Variants in PCP4L1 observed in about 807,000 individuals in gnomAD.
The protein encoded by PCP4L1 is Purkinje cell protein 4-like protein 1.
In PCP4L1, 9 loss-of-function variants were observed where a neutral mutation model predicts 9.6. The observed-to-expected ratio is 0.94, with a 90% confidence interval of 0.57 to 1.64. The LOEUF is 1.64. Ranked by LOEUF, PCP4L1 falls within the 40% of genes most tolerant of loss-of-function variation. PCP4L1 has a pLI of 0.00. For missense variants in PCP4L1, 81 were observed against 80.8 expected (o/e 1.00, Z -0.01); for synonymous variants, 31 against 28.2 (o/e 1.10, Z -0.31).
At chr1:161,263,899 C>CTTTTTT (rs1160429112) in intron 1 of PCP4L1, among the ~76,000 whole-genome samples, 5 of 70,792 alleles carry the variant, frequency 7.1e-5, no homozygotes, top group Admixed American at 1.7e-4. Flanking sequence ...ACTTTCTTTC[C>CTTTTTT]TTTTTTTTTT....
In PCP4L1 at chr1:161,284,672, C is replaced by T. The variant is rs1318355294; in HGVS notation, c.*191C>T. On this transcript the variant is annotated 3_prime_UTR_variant, in exon 3 of 3. Transcript: ENST00000504449. ...ACAAGAGAGGTGGAGAAGATGAAGACTTCAATCAGCAGTCACTAGTCTAAG... is the reference window on the plus strand; with the variant it reads ...ACAAGAGAGGTGGAGAAGATGAAGATTTCAATCAGCAGTCACTAGTCTAAG... The T allele has an allele frequency of 1.4e-6, 1 of 718,582 alleles. No homozygotes were observed. Among genetic ancestry groups the T allele is most frequent in the Non-Finnish European group, 2.3e-6 (1 of 436,232 alleles). The allele number at this position is 718,582 out of a possible 1,614,324, so 44.5% of individuals were successfully genotyped here.
rs16832738 is a variant in PCP4L1, at chr1:161,262,114, A to G, written c.9+3131A>G. ...TGGTTATATTGGATATACAAAATAG[A>G]AAGTCTAGTCACTTACTGCTATTGA... On this transcript the variant is annotated intron_variant, in intron 1 of 2. Transcript: ENST00000504449. Among the ~76,000 whole-genome samples the G allele has an allele frequency of 0.021, 3,244 of 152,278 alleles. 196 individuals are homozygous for G. In the East Asian group the frequency reaches 0.23, roughly 11 times the overall value.
At chr1:161,276,148 G>A (rs535404768) in intron 1 of PCP4L1, among the ~76,000 whole-genome samples, 78 of 152,230 alleles carry the variant, frequency 5.1e-4, no homozygotes, top group African/African-American at 1.9e-3. Flanking sequence ...TATTCCTGTG[G>A]AAGGTGTCAC....
intron 1 of PCP4L1, among the ~76,000 whole-genome samples, chr1:161,262,162 C>T (rs996035995): frequency 3.3e-5 from 5 of 151,990 alleles, no homozygotes; most frequent in African/African-American, 9.7e-5. Context: ...CGGCCAGGCG[C>T]GGTGGCTCAC....
Position 161,258,932 on chromosome 1 carries a change from A to G in PCP4L1, c.-43A>G, listed in dbSNP as rs1447895414. ...CGGAGCCCCGAGGGCCACTCGCCTC[A>G]CCTGTGCGTGCAGCGCCTCGCGCGC... On this transcript the variant is annotated 5_prime_UTR_variant, in exon 1 of 3. Transcript: ENST00000504449. 8 of 1,534,978 alleles carry G rather than the reference A, an allele frequency of 5.2e-6. No homozygotes were observed. Among genetic ancestry groups the G allele is most frequent in the Non-Finnish European group, 6.1e-6 (7 of 1,146,266 alleles).
chr1:161,276,928 T>C (rs1669710240), intron 1 of PCP4L1, among the ~76,000 whole-genome samples: 1 of 152,164 alleles, frequency 6.6e-6, no homozygotes, highest in Non-Finnish European at 1.5e-5. Flanking sequence ...TTCCCCCTAA[T>C]GTTTTATTGG....
At chr1:161,275,442 G>T (rs1407280937) in intron 1 of PCP4L1, among the ~76,000 whole-genome samples, 1 of 149,886 alleles carries the variant, frequency 6.7e-6, no homozygotes, top group Non-Finnish European at 1.5e-5. Context: ...CATGAACCCA[G>T]GAGGCAGAGC....
intron 1 of PCP4L1, among the ~76,000 whole-genome samples, chr1:161,269,940 A>G (rs1348328867): frequency 6.6e-6 from 1 of 152,054 alleles, no homozygotes; most frequent in African/African-American, 2.4e-5. Flanking sequence ...CCAAGGCTGC[A>G]GTGAGCTGAG....
intron 1 of PCP4L1, among the ~76,000 whole-genome samples, chr1:161,270,366 G>T (rs1360524935): frequency 6.6e-6 from 1 of 151,978 alleles, no homozygotes; most frequent in African/African-American, 2.4e-5. Flanking sequence ...AACCACTTGG[G>T]TTGTTACAAT....
chr1:161,282,467 G>A (rs927012252), intron 1 of PCP4L1, among the ~76,000 whole-genome samples: 1 of 151,774 alleles, frequency 6.6e-6, no homozygotes, highest in African/African-American at 2.4e-5. Flanking sequence ...CTAATCACTG[G>A]GATACCTCAG....
chr1:161,280,179 T>TG (rs1553257817), intron 1 of PCP4L1, among the ~76,000 whole-genome samples: 1 of 152,216 alleles, frequency 6.6e-6, no homozygotes, highest in Non-Finnish European at 1.5e-5. Flanking sequence ...TCTTGGATGA[T>TG]GACCTTGTTA....
intron 1 of PCP4L1, among the ~76,000 whole-genome samples, chr1:161,280,503 C>T (rs1669775289): frequency 6.6e-6 from 1 of 152,198 alleles, no homozygotes; most frequent in Admixed American, 6.5e-5. Flanking sequence ...GTTATGCCCC[C>T]ATTCCCATTT....
rs564365924 is a variant in PCP4L1 at position 161,281,630 on chromosome 1, C to A, written c.10-2038C>A. 2.4e-4 allele frequency among the ~76,000 whole-genome samples: 35 copies of A among 147,744 alleles called. 1 individual carries two copies. In the East Asian group the frequency reaches 6.7e-3, roughly 28 times the overall value. ...GGCTGACCCCCACCTCCCTCCCGGA[C>A]GGGGTGGCTGCCGGGCAGAGATGCT... On this transcript the variant is annotated intron_variant, in intron 1 of 2. Coordinates refer to ENST00000504449, the MANE Select transcript of PCP4L1 (RefSeq NM_001102566.2).
intron 1 of PCP4L1, among the ~76,000 whole-genome samples, chr1:161,282,377 GAA>G (rs751600335): frequency 2.3e-5 from 3 of 132,714 alleles, no homozygotes; most frequent in East Asian, 4.4e-4. Context: ...GGAGAGCGTG[GAA>G]AGAGAGGGAG....
intron 1 of PCP4L1, among the ~76,000 whole-genome samples, chr1:161,282,020 G>A (rs181880659): frequency 0.046 from 6,976 of 152,284 alleles, 222 homozygotes; most frequent in Middle Eastern, 0.082. Context: ...CGGCACTTTG[G>A]GAGGCCAAGG....
chr1:161,281,374 G>A lies in PCP4L1; in HGVS notation c.10-2294G>A, dbSNP rs547486449. ...CTGTTGGGTACACCTCCCAGATGGGGTGGTGGCCGGGCAGAGGGGCTCCTC... is the reference window on the plus strand; with the variant it reads ...CTGTTGGGTACACCTCCCAGATGGGATGGTGGCCGGGCAGAGGGGCTCCTC... On this transcript the variant is annotated intron_variant, in intron 1 of 2. Coordinates refer to ENST00000504449, the MANE Select transcript of PCP4L1 (RefSeq NM_001102566.2). Among the ~76,000 whole-genome samples, 480 of 152,324 alleles carry A rather than the reference G, an allele frequency of 3.2e-3. 2 individuals are homozygous for A. The highest frequency in any genetic ancestry group is 4.7e-3 in the Non-Finnish European group (320 of 68,020).
chr1:161,261,968 G>A (rs1669425213), intron 1 of PCP4L1, among the ~76,000 whole-genome samples: 1 of 152,170 alleles, frequency 6.6e-6, no homozygotes, highest in Non-Finnish European at 1.5e-5. Context: ...TCCCAACAAG[G>A]GAAGTTCAGT....
intron 1 of PCP4L1, among the ~76,000 whole-genome samples, chr1:161,280,500 C>T (rs1258261810): frequency 6.6e-6 from 1 of 152,128 alleles, no homozygotes; most frequent in Non-Finnish European, 1.5e-5. Context: ...AAAGTTATGC[C>T]CCCATTCCCA....
intron 1 of PCP4L1, among the ~76,000 whole-genome samples, chr1:161,275,580 G>A (rs578047374): frequency 6.6e-6 from 1 of 151,434 alleles, no homozygotes; most frequent in South Asian, 2.1e-4. Flanking sequence ...GTTGGGGTGA[G>A]AGAAAAGATC....
Sources: gnomAD v4.1 joint callset for allele counts (sites outside exome capture counted in the v4.1 genomes callset) on GRCh38, gnomAD v4.1.1 for gene constraint, MANE v1.5 for transcripts, NCBI Gene and HGNC (gene_info 2026-07-23, HGNC 2026-07-21) for gene names.